The following CLMN variants were observed in gnomAD, a reference collection of about 807,000 sequenced individuals.
CLMN encodes calmin (calponin-like, transmembrane).
Under a neutral mutation model 92.7 loss-of-function variants are expected in CLMN, and 57 were observed. The ratio of observed to expected loss-of-function variants is 0.61; its 90% CI spans 0.50 to 0.77. The LOEUF (loss-of-function observed/expected upper bound fraction) is 0.77. Among genes scored for constraint, CLMN ranks in the 30% least tolerant of loss-of-function variants. The probability of loss-of-function intolerance (pLI) is 0.00; values close to 1 mark genes in which losing one functional copy is unlikely to be tolerated. For missense variants in CLMN, 1,158 were observed against 1,237.5 expected (o/e 0.94, Z 0.96); for synonymous variants, 466 against 470.6 (o/e 0.99, Z 0.13).
chr14:95,291,012 T>G (rs892299761), intron 1 of CLMN, among the ~76,000 whole-genome samples: 2 of 152,162 alleles, frequency 1.3e-5, no homozygotes, highest in African/African-American at 4.8e-5. Context: ...CTGCTATGAT[T>G]ATTAATATCC....
chr14:95,255,926 T>A (rs943759352), intron 1 of CLMN, among the ~76,000 whole-genome samples: 4 of 152,210 alleles, frequency 2.6e-5, no homozygotes, highest in African/African-American at 9.7e-5. Context: ...TGTACCATGT[T>A]ATAGCAGAAC....
chr14:95,221,822 A>C, intron 3 of CLMN, 48 bp from the exon 4 acceptor site: 1 of 1,536,100 alleles, frequency 6.5e-7, no homozygotes, highest in Non-Finnish European at 9.0e-7. Context: ...CCGCACAGGC[A>C]CTTCCCAACA....
chr14:95,182,254 TTC>T lies in CLMN; in HGVS notation c.*9308_*9309del, dbSNP rs1286953009. The T allele has an allele frequency of 2.0e-5, 3 of 152,232 alleles. No individual in the cohort carries two copies. Among genetic ancestry groups the T allele is most frequent in the Non-Finnish European group, 4.4e-5 (3 of 68,046 alleles). 9.4% of individuals were successfully genotyped at this position (152,232 alleles called of 1,614,324 possible). A position where few individuals can be genotyped will look rare whatever the true frequency, so the allele number is the denominator to read the frequency against. ...TAACATTTCATTTTCCTCAATAGTTTTCTTAGAGCTCTCAGTAAAAACTTTCA... is the reference window on the plus strand; with the variant it reads ...TAACATTTCATTTTCCTCAATAGTTTTTAGAGCTCTCAGTAAAAACTTTCA... On this transcript the variant is annotated 3_prime_UTR_variant, in exon 13 of 13. Transcript: ENST00000298912.
At chr14:95,312,211 C>A (rs2140799573) in intron 1 of CLMN, among the ~76,000 whole-genome samples, 1 of 152,310 alleles carries the variant, frequency 6.6e-6, no homozygotes, top group South Asian at 2.1e-4. Context: ...CTCAACCTCA[C>A]CATAACCCTA....
intron 9 of CLMN, 107 bp downstream of exon 9, chr14:95,202,731 G>A (rs1416804915): frequency 3.2e-6 from 4 of 1,249,524 alleles, no homozygotes; most frequent in Non-Finnish European, 4.4e-6. Context: ...AGTCCCAAGG[G>A]AAGCCCCCTC....
At chr14:95,254,814 T>A (rs963156515) in intron 1 of CLMN, among the ~76,000 whole-genome samples, 1 of 152,190 alleles carries the variant, frequency 6.6e-6, no homozygotes, top group Non-Finnish European at 1.5e-5. Flanking sequence ...TCCGCTGGAC[T>A]CAGCCTCCCC....
At chr14:95,245,796 T>TTGGATGGATGGA (rs150318487) in intron 1 of CLMN, among the ~76,000 whole-genome samples, 3,683 of 140,320 alleles carry the variant, frequency 0.026, 86 homozygotes, top group African/African-American at 0.049. Flanking sequence ...GGTTGGATTA[T>TTGGATGGATGGA]TGGATGGATG....
chr14:95,231,114 C>A (rs577702698), intron 1 of CLMN, among the ~76,000 whole-genome samples: 176 of 152,246 alleles, frequency 1.2e-3, no homozygotes, highest in Non-Finnish European at 2.2e-3. Context: ...AACTGGCCTG[C>A]ACAGCAGGTG....
intron 1 of CLMN, among the ~76,000 whole-genome samples, chr14:95,255,328 G>T (rs1898954353): frequency 6.6e-6 from 1 of 152,206 alleles, no homozygotes. Context: ...GTCATCTGGG[G>T]TCTGAAAATA....
intron 1 of CLMN, among the ~76,000 whole-genome samples, chr14:95,292,539 T>C (rs1194169364): frequency 6.6e-6 from 1 of 150,524 alleles, no homozygotes; most frequent in Non-Finnish European, 1.5e-5. Flanking sequence ...TATTGATTTT[T>C]GTCCTTCCTC....
In CLMN at chr14:95,197,298, G is replaced by GAAGAAGAAGAAAGAAGAAAGGAC. The variant is rs538349997; in HGVS notation, c.2512-627_2512-605dup. Reference sequence around the variant, plus strand: ...GAGGAGGAAGAAGGAGAAGGAGGAGGAAGAAGAAGAAAGAAGAAAGGACAA... The same window carrying GAAGAAGAAGAAAGAAGAAAGGAC: ...GAGGAGGAAGAAGGAGAAGGAGGAGGAAGAAGAAGAAAGAAGAAAGGACAAGAAGAAGAAAGAAGAAAGGACAA... On this transcript the variant is annotated intron_variant, in intron 9 of 12. Coordinates refer to ENST00000298912, the MANE Select transcript of CLMN (RefSeq NM_024734.4). 7.2e-4 allele frequency among the ~76,000 whole-genome samples: 109 copies of GAAGAAGAAGAAAGAAGAAAGGAC among 150,622 alleles called. 2 individuals are homozygous for GAAGAAGAAGAAAGAAGAAAGGAC. In the East Asian group the frequency reaches 0.018, roughly 25 times the overall value.
chr14:95,298,716 C>A (rs1900915531), intron 1 of CLMN, among the ~76,000 whole-genome samples: 1 of 152,184 alleles, frequency 6.6e-6, no homozygotes, highest in Non-Finnish European at 1.5e-5. Context: ...CAAAGGAAGA[C>A]AGCAGGAGAG....
Position 95,257,418 on chromosome 14 carries a change from C to T in CLMN, c.83-27285G>A, listed in dbSNP as rs1899045158. On this transcript the variant is annotated intron_variant, in intron 1 of 12. Coordinates refer to ENST00000298912, the MANE Select transcript of CLMN (RefSeq NM_024734.4). ...TTCATTGACATAGACCCTGCAGGAG[C>T]CATTTGTTTTGTTCATAGAATAATT... 2.0e-5 allele frequency among the ~76,000 whole-genome samples: 3 copies of T among 152,250 alleles called. No homozygotes were observed. The South Asian group carries it at 6.2e-4, about 32-fold the overall frequency.
chr14:95,284,867 G>C (rs1220312854), intron 1 of CLMN, among the ~76,000 whole-genome samples: 1 of 152,112 alleles, frequency 6.6e-6, no homozygotes, highest in Non-Finnish European at 1.5e-5. Context: ...AGGCTTTGGG[G>C]GACTGTTGGG....
At position 95,183,968 on chromosome 14, in the gene CLMN, T is replaced by C. The variant is rs1896383111; in HGVS notation, c.*7596A>G. 1 of 152,156 alleles carries C rather than the reference T, an allele frequency of 6.6e-6. No homozygotes were observed. The highest frequency in any genetic ancestry group is 2.4e-5 in the African/African-American group (1 of 41,426). The allele number at this position is 152,156 out of a possible 1,614,324, so 9.4% of individuals were successfully genotyped here. A position where few individuals can be genotyped will look rare whatever the true frequency, so the allele number is the denominator to read the frequency against. ...TCTTGCAAAAAGGCCTGAGTTAGAT[T>C]TGAGACAGGGTAGCTCAGAAAAAAG... is the stretch of plus-strand genomic sequence containing the variant. On this transcript the variant is annotated 3_prime_UTR_variant, in exon 13 of 13. Transcript: ENST00000298912.
At chr14:95,260,868 C>T (rs1566900978) in intron 1 of CLMN, among the ~76,000 whole-genome samples, 2 of 152,150 alleles carry the variant, frequency 1.3e-5, no homozygotes, top group Non-Finnish European at 2.9e-5. Context: ...TCAACCCTGA[C>T]TTGTGAATAC....
intron 10 of CLMN, among the ~76,000 whole-genome samples, chr14:95,196,026 A>G (rs369484247): frequency 6.6e-5 from 10 of 152,348 alleles, no homozygotes; most frequent in African/African-American, 2.4e-4. Flanking sequence ...GGAAGAAGCC[A>G]TAATATTAAT....
At chr14:95,269,340 C>G (rs911157680) in intron 1 of CLMN, among the ~76,000 whole-genome samples, 6 of 151,612 alleles carry the variant, frequency 4.0e-5, no homozygotes, top group African/African-American at 1.4e-4. Flanking sequence ...TGTAAAATAT[C>G]TTTATGTATT....
At chr14:95,266,402 C>T (rs1203555963) in intron 1 of CLMN, among the ~76,000 whole-genome samples, 8 of 152,046 alleles carry the variant, frequency 5.3e-5, no homozygotes, top group African/African-American at 1.2e-4. Flanking sequence ...ATTTATATGA[C>T]GAAAGCAAAC....
Sources: allele counts gnomAD v4.1 joint callset (sites outside exome capture counted in the v4.1 genomes callset), GRCh38; gene constraint gnomAD v4.1.1; transcripts MANE v1.5; gene names NCBI Gene and HGNC (gene_info 2026-07-23, HGNC 2026-07-21).